ZC3H7B: variants seen among roughly 807,000 people sequenced by gnomAD.
ZC3H7B encodes the protein zinc finger CCCH domain-containing protein 7B.
A neutral mutation model predicts 116.0 loss-of-function variants in ZC3H7B; 35 were observed. The ratio of observed to expected loss-of-function variants is 0.30; its 90% CI spans 0.23 to 0.40. The LOEUF is 0.40. Among genes scored for constraint, ZC3H7B ranks in the 10% least tolerant of loss-of-function variants. The pLI is 1.00. For missense variants in ZC3H7B, 1,011 were observed against 1,321.5 expected, an observed-to-expected ratio of 0.77 and a Z score of 3.64; for synonymous variants, 502 against 545.6, an observed-to-expected ratio of 0.92 and a Z score of 1.11.
At chr22:41,320,225 C>T (rs775428192) in intron 1 of ZC3H7B, among the ~76,000 whole-genome samples, 11 of 150,840 alleles carry the variant, frequency 7.3e-5, no homozygotes, top group Non-Finnish European at 1.5e-4. Flanking sequence ...CCCAGCTACT[C>T]GGGAGGCTGA....
At chr22:41,320,628 A>G in intron 1 of ZC3H7B, 27 bp from the exon 2 acceptor site, 1 of 1,613,432 alleles carries the variant, frequency 6.2e-7, no homozygotes, top group Non-Finnish European at 8.5e-7. Flanking sequence ...TTGCTGACTG[A>G]CTGATGGACT....
In ZC3H7B at chr22:41,355,460, C is replaced by T. The variant is rs780506126; in HGVS notation, c.2035-9C>T. 47 of 1,613,658 alleles carry T rather than the reference C, an allele frequency of 2.9e-5. No homozygotes were observed. The highest frequency in any genetic ancestry group is 3.7e-5 in the Non-Finnish European group (44 of 1,179,792). ...AGCTTCACCAACCCCCCTCCCCATC[C>T]CCCCACAGGGTGCTCCGAGGACACA... is the stretch of plus-strand genomic sequence containing the variant. On this transcript the variant is annotated splice_polypyrimidine_tract_variant and intron_variant, in intron 17 of 22. Transcript: ENST00000352645.
At chr22:41,323,235 T>C (rs2036279478) in intron 2 of ZC3H7B, among the ~76,000 whole-genome samples, 1 of 152,172 alleles carries the variant, frequency 6.6e-6, no homozygotes, top group Non-Finnish European at 1.5e-5. Context: ...TCAGACTTGT[T>C]CATCAGAGCG....
intron 1 of ZC3H7B, among the ~76,000 whole-genome samples, chr22:41,318,622 G>A (rs1265634941): frequency 1.3e-5 from 2 of 151,736 alleles, no homozygotes; most frequent in East Asian, 1.9e-4. Flanking sequence ...GGTGGCGCGC[G>A]CCTGTGATCT....
intron 2 of ZC3H7B, among the ~76,000 whole-genome samples, chr22:41,324,482 C>G (rs2036293845): frequency 6.6e-6 from 1 of 152,236 alleles, no homozygotes. Context: ...AGTCCTTGCG[C>G]CACTCTGAGC....
intron 17 of ZC3H7B, among the ~76,000 whole-genome samples, chr22:41,354,478 A>G (rs113243074): frequency 0.016 from 2,501 of 152,212 alleles, 80 homozygotes; most frequent in African/African-American, 0.057. Context: ...GGGCAGGGCA[A>G]TGCTGGGGAC....
intron 7 of ZC3H7B, chr22:41,333,290 T>G (rs2235845): frequency 0.39 from 59,776 of 152,028 alleles, 13,956 homozygotes; most frequent in African/African-American, 0.61. Flanking sequence ...GCCTGCAAAG[T>G]AGGCAGTTGA....
Position 41,304,070 on chromosome 22 carries a change from T to G in ZC3H7B, c.-7+2298T>G, listed in dbSNP as rs894539269. 3.3e-5 allele frequency among the ~76,000 whole-genome samples: 5 copies of G among 151,836 alleles called. No individual in the cohort carries two copies. In the East Asian group the frequency reaches 9.7e-4, roughly 29 times the overall value. ...CCATGCCCAGCCTTCTTTTTATTTT[T>G]TGAGACAAGGTCTCACTCTGTCACC... On this transcript the variant is annotated intron_variant, in intron 1 of 22. Coordinates refer to ENST00000352645, the MANE Select transcript of ZC3H7B (RefSeq NM_017590.6).
At position 41,341,152 on chromosome 22, in the gene ZC3H7B, TG is replaced by T. The variant is rs2036517971; in HGVS notation, c.1197+7del. The T allele has an allele frequency of 6.2e-7, 1 of 1,613,610 alleles. No individual in the cohort carries two copies. The highest frequency in any genetic ancestry group is 1.1e-5 in the South Asian group (1 of 91,046). ...CTCAGAAACCAGCCCCCTCGGTGAG[TG>T]ACTTGAGTGGGGATCCAGGCCTCTC... On this transcript the variant is annotated splice_region_variant and intron_variant, in intron 11 of 22. Transcript: ENST00000352645.
chr22:41,319,271 C>G (rs937374322), intron 1 of ZC3H7B, among the ~76,000 whole-genome samples: 11 of 152,096 alleles, frequency 7.2e-5, no homozygotes, highest in Non-Finnish European at 1.3e-4. Flanking sequence ...CATGGTGGCA[C>G]GTGCCTGTAG....
In ZC3H7B at chr22:41,351,555, C is replaced by A. The variant is rs776396702; in HGVS notation, c.1949-6C>A. The A allele has an allele frequency of 1.2e-6, 2 of 1,612,364 alleles. No individual in the cohort carries two copies. The highest frequency in any genetic ancestry group is 4.5e-5 in the East Asian group (2 of 44,820). On this transcript the variant is annotated splice_region_variant and splice_polypyrimidine_tract_variant and intron_variant, in intron 16 of 22. Transcript: ENST00000352645. The surrounding 1 kb of genome is among the most constrained non-coding windows in gnomAD (Gnocchi z 5.1). ...AGATGCCTGTGTCTGCCCCCACCCTCCCCAGGCATGACCCACGAAGACATC... is the reference window on the plus strand; with the variant it reads ...AGATGCCTGTGTCTGCCCCCACCCTACCCAGGCATGACCCACGAAGACATC...
At chr22:41,324,507 C>T (rs2036293905) in intron 2 of ZC3H7B, among the ~76,000 whole-genome samples, 1 of 152,204 alleles carries the variant, frequency 6.6e-6, no homozygotes, top group Non-Finnish European at 1.5e-5. Context: ...GTTTTTCCCT[C>T]TGTGGAATGA....
chr22:41,320,524 A>G (rs1165823638), intron 1 of ZC3H7B, 131 bp from the exon 2 acceptor site: 1 of 1,021,510 alleles, frequency 9.8e-7, no homozygotes. Context: ...CCTCAGGGAC[A>G]CGCCTCCCGA....
intron 17 of ZC3H7B, among the ~76,000 whole-genome samples, chr22:41,355,098 T>C (rs2036696863): frequency 6.6e-6 from 1 of 152,156 alleles, no homozygotes; most frequent in South Asian, 2.1e-4. Context: ...GAGCTGAGTT[T>C]TGAAGGATAG....
intron 13 of ZC3H7B, among the ~76,000 whole-genome samples, chr22:41,344,099 A>G (rs2036556698): frequency 6.6e-6 from 1 of 152,202 alleles, no homozygotes; most frequent in Non-Finnish European, 1.5e-5. Context: ...GGTCCCAGCC[A>G]AGCGCCTTGG....
chr22:41,319,568 TAAAA>T (rs71202700), intron 1 of ZC3H7B, among the ~76,000 whole-genome samples: 3 of 65,662 alleles, frequency 4.6e-5, no homozygotes, highest in Admixed American at 1.8e-4. Context: ...AGTCTCCGGC[TAAAA>T]AAAAAAAAAA....
intron 1 of ZC3H7B, among the ~76,000 whole-genome samples, chr22:41,315,352 G>GTTTTTTTTTTTT (rs34182958): frequency 8.4e-6 from 1 of 118,884 alleles, no homozygotes; most frequent in Non-Finnish European, 1.7e-5. Flanking sequence ...AATTTCTAGT[G>GTTTTTTTTTTTT]TTTTTTTTTT....
In ZC3H7B at chr22:41,327,459, T is replaced by C; in HGVS notation, c.444+95T>C. On this transcript the variant is annotated intron_variant, in intron 5 of 22. Transcript: ENST00000352645. The surrounding 1 kb of genome is among the most constrained non-coding windows in gnomAD (Gnocchi z 4.5). The stretch of plus-strand genomic sequence containing the variant: ...TGGGCCCAGCCACCACATCCTTCTG[T>C]GTCTCACTTCCTCCCCTGTGACATG... The C allele has an allele frequency of 6.7e-7, 1 of 1,494,498 alleles. No individual in the cohort carries two copies. Among genetic ancestry groups the C allele is most frequent in the Non-Finnish European group, 9.0e-7 (1 of 1,107,938 alleles). The allele number at this position is 1,494,498 out of a possible 1,614,324, so 92.6% of individuals were successfully genotyped here. A position where few individuals can be genotyped will look rare whatever the true frequency, so the allele number is the denominator to read the frequency against.
chr22:41,332,238 G>T lies in ZC3H7B; in HGVS notation c.582+11G>T, dbSNP rs115027127. The T allele has an allele frequency of 8.9e-4, 1,433 of 1,614,076 alleles. 16 individuals carry two copies. The African/African-American group carries it at 0.015, about 16-fold the overall frequency. On this transcript the variant is annotated intron_variant, in intron 7 of 22. Coordinates refer to ENST00000352645, the MANE Select transcript of ZC3H7B (RefSeq NM_017590.6). The stretch of plus-strand genomic sequence containing the variant: ...GGCGTGGCAGATCAGGTAGGATCGG[G>T]GCTGAACCAACCTGTCTCAGTTTAT...
Sources: allele counts gnomAD v4.1 joint callset (sites outside exome capture counted in the v4.1 genomes callset), GRCh38; gene constraint gnomAD v4.1.1; non-coding constraint Gnocchi (gnomAD v3.1); transcripts MANE v1.5; gene names NCBI Gene and HGNC (gene_info 2026-07-23, HGNC 2026-07-21).